RPTOR: variants seen among roughly 807,000 people sequenced by gnomAD.
The protein encoded by RPTOR is regulatory associated protein of MTOR complex 1.
RPTOR carries 21 observed loss-of-function variants against 169.9 expected under a neutral mutation model. The observed-to-expected ratio is 0.12, with a 90% CI of 0.09 to 0.18. The LOEUF is 0.18. RPTOR is among the 10% of genes least tolerant of loss of function. The pLI is 1.00. For synonymous variants in RPTOR, 732 were observed against 753.2 expected (o/e 0.97, Z 0.46); for missense variants, 1,133 against 1,855.9 (o/e 0.61, Z 7.16).
chr17:80,641,540 G>T (rs1422740169), intron 2 of RPTOR, among the ~76,000 whole-genome samples: 1 of 152,164 alleles, frequency 6.6e-6, no homozygotes, highest in Non-Finnish European at 1.5e-5. Flanking sequence ...TATACAGGTG[G>T]CTCTTGGAGA....
At chr17:80,682,199 G>A (rs1488523390) in intron 3 of RPTOR, among the ~76,000 whole-genome samples, 1 of 150,354 alleles carries the variant, frequency 6.7e-6, no homozygotes, top group Non-Finnish European at 1.5e-5. Flanking sequence ...GACCTCTTGG[G>A]CTCAAGCCAT....
At chr17:80,735,059 CT>C (rs1335733434) in intron 5 of RPTOR, among the ~76,000 whole-genome samples, 3 of 152,154 alleles carry the variant, frequency 2.0e-5, no homozygotes, top group African/African-American at 7.2e-5. Flanking sequence ...TGAGGGATGA[CT>C]GCAACAAGCA....
intron 28 of RPTOR, among the ~76,000 whole-genome samples, chr17:80,954,588 A>G (rs575342547): frequency 1.4e-4 from 21 of 152,358 alleles, no homozygotes; most frequent in Non-Finnish European, 2.5e-4. Context: ...AGTAAAATAA[A>G]GAATGTATGT....
chr17:80,923,478 T>C lies in RPTOR; in HGVS notation c.2625-12T>C. 1 of 1,613,762 alleles carries C rather than the reference T, an allele frequency of 6.2e-7. No individual in the cohort carries two copies. The highest frequency in any genetic ancestry group is 1.6e-4 in the Middle Eastern group (1 of 6,062). ...GCAGAGGATGCAGTGTTTGTTTTTC[T>C]TCCAATGGCAGGGGCTCCCCTCCGG... On this transcript the variant is annotated splice_polypyrimidine_tract_variant and intron_variant, in intron 22 of 33. Coordinates refer to ENST00000306801, the MANE Select transcript of RPTOR (RefSeq NM_020761.3).
chr17:80,810,048 A>AAAATAAATAAAT (rs56853505), intron 7 of RPTOR, among the ~76,000 whole-genome samples: 102 of 144,150 alleles, frequency 7.1e-4, no homozygotes, highest in East Asian at 1.0e-3. Flanking sequence ...ACTCCATCTC[A>AAAATAAATAAAT]AAATAAATAA....
At chr17:80,619,767 GT>G (rs2065341348) in intron 1 of RPTOR, among the ~76,000 whole-genome samples, 1 of 152,190 alleles carries the variant, frequency 6.6e-6, no homozygotes, top group Admixed American at 6.5e-5. Flanking sequence ...TCCTGGGTGT[GT>G]TATGTGAGAT....
chr17:80,928,702 G>C (rs138418822), intron 24 of RPTOR, among the ~76,000 whole-genome samples: 1,593 of 152,338 alleles, frequency 0.01, 23 homozygotes, highest in Non-Finnish European at 0.017. Flanking sequence ...GGTTTACGGA[G>C]CTCGTGTCTA....
At chr17:80,864,095 C>CTA (rs1277820766) in intron 13 of RPTOR, among the ~76,000 whole-genome samples, 12 of 152,292 alleles carry the variant, frequency 7.9e-5, no homozygotes, top group Admixed American at 7.2e-4. Context: ...GAAACAATAG[C>CTA]TAACATTTTT....
In RPTOR at chr17:80,633,506, A is replaced by G. The variant is rs1424666070; in HGVS notation, c.265+7713A>G. On this transcript the variant is annotated intron_variant, in intron 2 of 33. Coordinates refer to ENST00000306801, the MANE Select transcript of RPTOR (RefSeq NM_020761.3). This position sits in a 1 kb window ranked among gnomAD's most constrained non-coding sequence, Gnocchi z 4.1. Reference sequence around the variant, plus strand: ...TTGTAGAATGTCTCCGGTGTCTCCTAATGATTCCGTTTAGGTCATGCTTCG... The same window carrying G: ...TTGTAGAATGTCTCCGGTGTCTCCTGATGATTCCGTTTAGGTCATGCTTCG... 6.6e-6 allele frequency among the ~76,000 whole-genome samples: 1 copy of G among 152,168 alleles called. No homozygotes were observed. Among genetic ancestry groups the G allele is most frequent in the African/African-American group, 2.4e-5 (1 of 41,440 alleles).
intron 1 of RPTOR, among the ~76,000 whole-genome samples, chr17:80,603,763 G>T (rs1212981581): frequency 6.6e-6 from 1 of 152,232 alleles, no homozygotes; most frequent in Non-Finnish European, 1.5e-5. Context: ...ACCAATACAA[G>T]GTAGTGAAAT....
At chr17:80,794,837 T>C (rs977952051) in intron 7 of RPTOR, among the ~76,000 whole-genome samples, 3 of 152,202 alleles carry the variant, frequency 2.0e-5, no homozygotes, top group Non-Finnish European at 4.4e-5. Context: ...ATTCCCTTTC[T>C]GTGACCTTCT....
intron 9 of RPTOR, among the ~76,000 whole-genome samples, chr17:80,832,439 A>G (rs1037534847): frequency 1.6e-4 from 25 of 152,178 alleles, no homozygotes; most frequent in Non-Finnish European, 3.5e-4. Flanking sequence ...GTCCTGTGGC[A>G]GTGTCTGGTC....
rs113636849 is a variant in RPTOR at position 80,884,579 on chromosome 17, G to A, written c.1843-429G>A. ...CGGACCCCAGGGCCAGCACAGTGTC[G>A]CTCCCCTGGCTGAGCCCTGTGTGCT... On this transcript the variant is annotated intron_variant, in intron 16 of 33. Transcript: ENST00000306801. Among the ~76,000 whole-genome samples, 14 of 152,302 alleles carry A rather than the reference G, an allele frequency of 9.2e-5. No homozygotes were observed. In the South Asian group the frequency reaches 1.9e-3, roughly 20 times the overall value.
At chr17:80,590,931 G>C (rs1467358599) in intron 1 of RPTOR, among the ~76,000 whole-genome samples, 1 of 151,914 alleles carries the variant, frequency 6.6e-6, no homozygotes, top group African/African-American at 2.4e-5. Context: ...TCTGTGGAAT[G>C]ATTTTTTTAA....
chr17:80,736,360 C>T (rs562861395), intron 5 of RPTOR, among the ~76,000 whole-genome samples: 2 of 152,218 alleles, frequency 1.3e-5, no homozygotes, highest in Admixed American at 6.5e-5. Flanking sequence ...GAAACCTGTC[C>T]GACGGTCACT....
intron 5 of RPTOR, among the ~76,000 whole-genome samples, chr17:80,751,249 C>T (rs1028730721): frequency 2.6e-5 from 4 of 152,118 alleles, no homozygotes; most frequent in East Asian, 3.9e-4. Context: ...GTGTTGGCGT[C>T]GTAGGTGCTT....
intron 6 of RPTOR, among the ~76,000 whole-genome samples, chr17:80,773,155 A>T (rs2066861291): frequency 6.6e-6 from 1 of 152,252 alleles, no homozygotes; most frequent in African/African-American, 2.4e-5. Context: ...TGAGCCAGTG[A>T]CACAGGGCTG....
At chr17:80,672,152 G>A (rs1267334833) in intron 3 of RPTOR, among the ~76,000 whole-genome samples, 1 of 152,162 alleles carries the variant, frequency 6.6e-6, no homozygotes, top group Non-Finnish European at 1.5e-5. Context: ...TACCTCCTCT[G>A]TGAAGGTCAG....
At chr17:80,779,148 G>A (rs1363912025) in intron 6 of RPTOR, among the ~76,000 whole-genome samples, 1 of 152,170 alleles carries the variant, frequency 6.6e-6, no homozygotes, top group African/African-American at 2.4e-5. Context: ...CAGACCCCAA[G>A]CTGAATGGTC....
Sources: allele counts gnomAD v4.1 joint callset (sites outside exome capture counted in the v4.1 genomes callset), GRCh38; gene constraint gnomAD v4.1.1; non-coding constraint Gnocchi (gnomAD v3.1); transcripts MANE v1.5; gene names NCBI Gene and HGNC (gene_info 2026-07-23, HGNC 2026-07-21).